RAB38: variants seen among roughly 807,000 people sequenced by gnomAD.
RAB38 encodes the protein ras-related protein Rab-38.
RAB38 carries 15 observed loss-of-function variants against 18.4 expected under a neutral mutation model. The ratio of observed to expected loss-of-function variants is 0.82; its 90% CI spans 0.55 to 1.26. The LOEUF (loss-of-function observed/expected upper bound fraction) is 1.26, where lower values mean the gene tolerates loss of function less well. Among genes scored for constraint, RAB38 ranks in the 50% most tolerant of loss-of-function variants. The pLI is 0.00. For synonymous variants in RAB38, 101 were observed against 104.4 expected, an observed-to-expected ratio of 0.97 and a Z score of 0.20; for missense variants, 294 against 267.4, an observed-to-expected ratio of 1.10 and a Z score of -0.69.
the RAB38 span, among the ~76,000 whole-genome samples, chr11:88,074,215 A>C: frequency 0.64 from 97,939 of 152,000 alleles, 32,083 homozygotes; most frequent in African/African-American, 0.75. Flanking sequence ...ATAAAGCTCA[A>C]TGTTAAAATA....
At chr11:87,851,536 T>C in the RAB38 span, among the ~76,000 whole-genome samples, 9 of 152,196 alleles carry the variant, frequency 5.9e-5, no homozygotes, top group Non-Finnish European at 1.0e-4. Context: ...CTGGGAAACA[T>C]GCTAATTCTA....
the RAB38 span, among the ~76,000 whole-genome samples, chr11:87,950,140 T>C: frequency 1.3e-5 from 2 of 152,210 alleles, no homozygotes; most frequent in Non-Finnish European, 2.9e-5. Context: ...TTTACCATTA[T>C]GTAATGGCCT....
At chr11:88,039,195 A>C in the RAB38 span, among the ~76,000 whole-genome samples, 1 of 152,194 alleles carries the variant, frequency 6.6e-6, no homozygotes, top group African/African-American at 2.4e-5. Flanking sequence ...ATGAAAAAGG[A>C]AATTGCCATT....
the RAB38 span, among the ~76,000 whole-genome samples, chr11:88,042,863 G>T: frequency 6.6e-6 from 1 of 152,170 alleles, no homozygotes; most frequent in Non-Finnish European, 1.5e-5. Flanking sequence ...AGTGTCACAT[G>T]ACTTGGCTCA....
chr11:87,845,918 T>C, the RAB38 span, among the ~76,000 whole-genome samples: 1 of 152,110 alleles, frequency 6.6e-6, no homozygotes, highest in African/African-American at 2.4e-5. Flanking sequence ...CGTAATTCTA[T>C]ATCCAATGCA....
the RAB38 span, among the ~76,000 whole-genome samples, chr11:87,977,391 A>C: frequency 4.5e-5 from 2 of 44,688 alleles, no homozygotes; most frequent in East Asian, 9.3e-4. Flanking sequence ...AAATATAATT[A>C]TATATATAAT....
chr11:87,861,339 A>G, the RAB38 span, among the ~76,000 whole-genome samples: 5 of 151,988 alleles, frequency 3.3e-5, no homozygotes, highest in African/African-American at 1.2e-4. Flanking sequence ...GCTGCAGACA[A>G]AAGCAGAGCT....
At chr11:87,928,889 C>T in the RAB38 span, among the ~76,000 whole-genome samples, 3 of 151,962 alleles carry the variant, frequency 2.0e-5, no homozygotes, top group East Asian at 1.9e-4. Context: ...CCAACGCAGG[C>T]GGATCATTTG....
the RAB38 span, among the ~76,000 whole-genome samples, chr11:87,952,066 G>A: frequency 6.6e-6 from 1 of 151,798 alleles, no homozygotes; most frequent in South Asian, 2.1e-4. Context: ...AGTGAAATAC[G>A]TGGGTAGAGG....
At chr11:87,894,737 T>A in the RAB38 span, among the ~76,000 whole-genome samples, 1 of 149,008 alleles carries the variant, frequency 6.7e-6, no homozygotes, top group Non-Finnish European at 1.5e-5. Flanking sequence ...TATATATATA[T>A]AAAAAATATA....
the RAB38 span, among the ~76,000 whole-genome samples, chr11:87,850,576 A>G: frequency 7.2e-5 from 11 of 152,010 alleles, no homozygotes; most frequent in Non-Finnish European, 1.6e-4. Context: ...GGTTTTATTC[A>G]GTTTTTTAGT....
At chr11:87,885,356 G>A in the RAB38 span, among the ~76,000 whole-genome samples, 4 of 141,854 alleles carry the variant, frequency 2.8e-5, no homozygotes. Flanking sequence ...CTCTGCTTTG[G>A]ATTCAGATGT....
chr11:88,066,038 CT>C, the RAB38 span, among the ~76,000 whole-genome samples: 2 of 152,200 alleles, frequency 1.3e-5, no homozygotes, highest in Non-Finnish European at 2.9e-5. Context: ...CTGCAGACTG[CT>C]TTGTTTTATA....
chr11:87,922,968 G>T, the RAB38 span, among the ~76,000 whole-genome samples: 1 of 151,214 alleles, frequency 6.6e-6, no homozygotes, highest in East Asian at 2.0e-4. Flanking sequence ...AAGTAAGGAA[G>T]GAAGGAAGGA....
the RAB38 span, among the ~76,000 whole-genome samples, chr11:88,044,945 G>A: frequency 5.3e-5 from 8 of 152,140 alleles, no homozygotes; most frequent in East Asian, 1.9e-4. Context: ...TTCATTCTGC[G>A]ACTAGCCCTC....
At chr11:87,952,176 G>C in the RAB38 span, among the ~76,000 whole-genome samples, 2 of 152,094 alleles carry the variant, frequency 1.3e-5, no homozygotes, top group East Asian at 3.9e-4. Context: ...GAGGAGCTGG[G>C]GGGTAGGGAA....
the RAB38 span, among the ~76,000 whole-genome samples, chr11:87,919,971 G>A: frequency 2.6e-5 from 4 of 151,690 alleles, no homozygotes; most frequent in Admixed American, 2.6e-4. Flanking sequence ...CTGTGGCATG[G>A]GTTGTTATGT....
At chr11:87,883,757 G>T in the RAB38 span, among the ~76,000 whole-genome samples, 3 of 151,886 alleles carry the variant, frequency 2.0e-5, no homozygotes, top group Non-Finnish European at 4.4e-5. Flanking sequence ...CATTGTTGCT[G>T]GCTTTGAAGC....
chr11:88,018,579 G>A, the RAB38 span, among the ~76,000 whole-genome samples: 14 of 152,144 alleles, frequency 9.2e-5, no homozygotes, highest in East Asian at 1.9e-4. Flanking sequence ...AGAAAGCAGC[G>A]ACAATAGCAA....
Sources: allele counts gnomAD v4.1 joint callset (sites outside exome capture counted in the v4.1 genomes callset), GRCh38; gene constraint gnomAD v4.1.1; transcripts MANE v1.5; gene names NCBI Gene and HGNC (gene_info 2026-07-23, HGNC 2026-07-21).